PHF8: variants seen among roughly 807,000 people sequenced by gnomAD.
The protein encoded by PHF8 is histone lysine demethylase PHF8.
PHF8 carries 9 observed loss-of-function variants against 74.4 expected under a neutral mutation model. That is an observed-to-expected ratio of 0.12 (90% CI 0.07 to 0.21). The LOEUF (loss-of-function observed/expected upper bound fraction) is 0.21, where lower values mean the gene tolerates loss of function less well. Ranked by LOEUF, PHF8 falls within the 10% of genes least tolerant of loss-of-function variation. PHF8 has a pLI of 1.00. For synonymous variants in PHF8, 311 were observed against 316.6 expected (o/e 0.98, Z 0.19); for missense variants, 478 against 816.6 (o/e 0.59, Z 5.05).
At chrX:54,042,527 G>A in intron 2 of PHF8, 104 bp downstream of exon 2, 1 of 679,601 alleles carries the variant, frequency 1.5e-6, no homozygotes, top group African/African-American at 2.1e-5. Context: ...GTCTGGGAGA[G>A]GGGGTCCTGA....
chrX:53,988,968 T>G (rs1227153817), intron 14 of PHF8, among the ~76,000 whole-genome samples: 4 of 108,140 alleles, frequency 3.7e-5, no homozygotes, highest in African/African-American at 1.3e-4. Context: ...TGCTTTTTTT[T>G]TTTTTCTTTT....
At chrX:54,042,911 C>T in intron 1 of PHF8, 91 bp from the exon 2 acceptor site, 1 of 709,139 alleles carries the variant, frequency 1.4e-6, no homozygotes. Flanking sequence ...GAGTTACCGC[C>T]GCCGGGATGC....
At chrX:53,949,353 G>A (rs1363585681) in intron 19 of PHF8, among the ~76,000 whole-genome samples, 3 of 110,816 alleles carry the variant, frequency 2.7e-5, no homozygotes, top group Non-Finnish European at 5.7e-5. Flanking sequence ...AAATAAAATT[G>A]TCATATTAAC....
In PHF8 at chrX:53,947,699, G is replaced by A. The variant is rs144681009; in HGVS notation, c.2540-3456C>T. Among the ~76,000 whole-genome samples, 13 of 112,175 alleles carry A rather than the reference G, an allele frequency of 1.2e-4. No homozygotes were observed. In the East Asian group the frequency reaches 3.6e-3, roughly 31 times the overall value. ...GGCTTATTTGCAAGCTATAGAATAT[G>A]GTATAAATGACACTATATGACTTTT... On this transcript the variant is annotated intron_variant, in intron 19 of 21. Coordinates refer to ENST00000338154, the MANE Select transcript of PHF8 (RefSeq NM_015107.3).
chrX:54,048,520 C>CA (rs1167711907), upstream of PHF8, among the ~76,000 whole-genome samples: 1 of 112,058 alleles, frequency 8.9e-6, no homozygotes, highest in East Asian at 2.8e-4. Flanking sequence ...AATTCCTCCC[C>CA]AGTGTCCTTG....
intron 20 of PHF8, among the ~76,000 whole-genome samples, chrX:53,942,171 A>G (rs1184301060): frequency 1.8e-5 from 2 of 111,804 alleles, no homozygotes; most frequent in Non-Finnish European, 3.8e-5. Context: ...TCCCCGCCCA[A>G]GTTCAAACTC....
intron 8 of PHF8, among the ~76,000 whole-genome samples, chrX:54,006,263 C>G (rs1357598313): frequency 9.0e-6 from 1 of 111,531 alleles, no homozygotes; most frequent in Non-Finnish European, 1.9e-5. Context: ...GGGTGGATCA[C>G]TTGAGCTCAG....
chrX:53,965,509 C>A (rs782081733), intron 18 of PHF8, among the ~76,000 whole-genome samples: 1 of 112,642 alleles, frequency 8.9e-6, no homozygotes, highest in South Asian at 3.6e-4. Flanking sequence ...CGTGGTAGCA[C>A]ATGCCTGTAA....
intron 18 of PHF8, among the ~76,000 whole-genome samples, chrX:53,975,150 G>C (rs1190926175): frequency 8.9e-6 from 1 of 112,077 alleles, no homozygotes; most frequent in Non-Finnish European, 1.9e-5. Context: ...ACTGCAATGA[G>C]AAATCATCTC....
intron 18 of PHF8, among the ~76,000 whole-genome samples, chrX:53,984,475 A>C (rs1478606850): frequency 8.9e-6 from 1 of 112,231 alleles, no homozygotes; most frequent in Non-Finnish European, 1.9e-5. Flanking sequence ...GGATTAAAAA[A>C]AGGAGTCATC....
chrX:53,992,355 T>C (rs2065679581), intron 14 of PHF8, among the ~76,000 whole-genome samples: 1 of 112,341 alleles, frequency 8.9e-6, no homozygotes, highest in Admixed American at 9.5e-5. Flanking sequence ...TACACACTTG[T>C]GTGCAAGGAT....
intron 18 of PHF8, among the ~76,000 whole-genome samples, chrX:53,964,614 C>T (rs1311906985): frequency 1.8e-5 from 2 of 111,058 alleles, no homozygotes; most frequent in Non-Finnish European, 3.8e-5. Context: ...GCCTGTAATC[C>T]CTGCACTCTG....
Position 53,968,162 on chromosome X carries a change from TG to T in PHF8, c.2444-5224del, listed in dbSNP as rs1277582911. Among the ~76,000 whole-genome samples, 7 of 108,046 alleles carry T rather than the reference TG, an allele frequency of 6.5e-5. No homozygotes were observed. The East Asian group carries it at 2.0e-3, about 31-fold the overall frequency. The allele number at this position is 108,046 out of a possible 115,157, so 93.8% of individuals were successfully genotyped here. A position where few individuals can be genotyped will look rare whatever the true frequency, so the allele number is the denominator to read the frequency against. On this transcript the variant is annotated intron_variant, in intron 18 of 21. Transcript: ENST00000338154. ...AAAAGTGAAATTGCAACATAAAACT[TG>T]GGGGACGCAAAGAAAGCTCTGCTTA...
At chrX:54,000,074 G>A (rs2065805701) in intron 10 of PHF8, 113 bp from the exon 11 acceptor site, 1 of 525,336 alleles carries the variant, frequency 1.9e-6, no homozygotes, top group African/African-American at 2.3e-5. Context: ...GAGCACAACT[G>A]CAGATCTCAG....
At chrX:54,017,858 C>A (rs782241699) in intron 4 of PHF8, 37 bp from the exon 5 acceptor site, 6 of 1,184,047 alleles carry the variant, frequency 5.1e-6, no homozygotes, top group Middle Eastern at 2.5e-4. Flanking sequence ...AGCCTGAGGC[C>A]CTGCCCACTA....
At chrX:53,992,537 C>A (rs1236880484) in intron 14 of PHF8, among the ~76,000 whole-genome samples, 199 bp downstream of exon 14, 1 of 111,503 alleles carries the variant, frequency 9.0e-6, no homozygotes, top group Non-Finnish European at 1.9e-5. Flanking sequence ...CGATTTCAGA[C>A]CTCTCACTCT....
At chrX:53,965,472 C>T (rs962408940) in intron 18 of PHF8, among the ~76,000 whole-genome samples, 2 of 112,911 alleles carry the variant, frequency 1.8e-5, no homozygotes, top group Non-Finnish European at 3.7e-5. Context: ...AACCCTGTCT[C>T]TACTAAAAAT....
chrX:54,030,043 G>C (rs191726193), intron 2 of PHF8, among the ~76,000 whole-genome samples: 72 of 110,182 alleles, frequency 6.5e-4, no homozygotes, highest in Non-Finnish European at 1.3e-3. Flanking sequence ...CTTCTACCTG[G>C]AACATTCCTG....
chrX:53,955,342 G>C (rs372741090), intron 19 of PHF8, among the ~76,000 whole-genome samples: 6 of 110,508 alleles, frequency 5.4e-5, no homozygotes, highest in East Asian at 5.6e-4. Context: ...CCTTTCCAAA[G>C]TGCTAGGATT....
Sources: gnomAD v4.1 joint callset for allele counts (sites outside exome capture counted in the v4.1 genomes callset) on GRCh38, gnomAD v4.1.1 for gene constraint, MANE v1.5 for transcripts, NCBI Gene and HGNC (gene_info 2026-07-23, HGNC 2026-07-21) for gene names.